The following CR1L variants were observed in gnomAD, a reference collection of about 807,000 sequenced individuals.
The protein encoded by CR1L is complement component receptor 1-like protein.
In CR1L, 59 loss-of-function variants were observed where a neutral mutation model predicts 62.3. The ratio of observed to expected loss-of-function variants is 0.95; its 90% CI spans 0.77 to 1.18. CR1L has a LOEUF of 1.18. CR1L is among the 50% of genes most tolerant of loss of function. The probability of loss-of-function intolerance (pLI) is 0.00; values close to 1 mark genes in which losing one functional copy is unlikely to be tolerated. For missense variants in CR1L, 700 were observed against 702.8 expected (o/e 1.00, Z 0.04); for synonymous variants, 279 against 248.7 (o/e 1.12, Z -1.15).
At chr1:207,709,544 G>A (rs1258134272) in intron 10 of CR1L, among the ~76,000 whole-genome samples, 1 of 152,058 alleles carries the variant, frequency 6.6e-6, no homozygotes, top group African/African-American at 2.4e-5. Context: ...AAATATAAAT[G>A]TGTACTATAG....
At chr1:207,704,859 T>A (rs960439134) in intron 9 of CR1L, among the ~76,000 whole-genome samples, 17 of 152,374 alleles carry the variant, frequency 1.1e-4, no homozygotes, top group African/African-American at 3.8e-4. Flanking sequence ...TTTGTTGTGA[T>A]ATTTGTTTTA....
At chr1:207,688,977 T>A (rs193030376) in intron 4 of CR1L, among the ~76,000 whole-genome samples, 34 of 152,306 alleles carry the variant, frequency 2.2e-4, no homozygotes, top group Admixed American at 3.9e-4. Context: ...ACAAAGTTTT[T>A]AAATCTTTTC....
chr1:207,688,990 T>C (rs1663954329), intron 4 of CR1L, among the ~76,000 whole-genome samples: 1 of 152,140 alleles, frequency 6.6e-6, no homozygotes, highest in African/African-American at 2.4e-5. Flanking sequence ...ATCTTTTCCT[T>C]TCTTATGTCT....
chr1:207,665,283 T>A (rs1021418234), intron 1 of CR1L, among the ~76,000 whole-genome samples: 13 of 152,172 alleles, frequency 8.5e-5, no homozygotes, highest in Admixed American at 6.5e-5. Flanking sequence ...CTTGATCTCC[T>A]GACCTTGTGA....
At chr1:207,680,181 A>G (rs1220740380) in intron 3 of CR1L, among the ~76,000 whole-genome samples, 2 of 152,222 alleles carry the variant, frequency 1.3e-5, no homozygotes, top group East Asian at 3.8e-4. Flanking sequence ...AGATGTTTAT[A>G]ATAGGGGAGG....
intron 1 of CR1L, among the ~76,000 whole-genome samples, chr1:207,674,317 A>C (rs1663656829): frequency 6.6e-6 from 1 of 152,216 alleles, no homozygotes; most frequent in Non-Finnish European, 1.5e-5. Context: ...CAAATTGTAC[A>C]CTTTAAATAC....
intron 5 of CR1L, among the ~76,000 whole-genome samples, chr1:207,695,651 C>T (rs1245480819): frequency 6.6e-6 from 1 of 152,104 alleles, no homozygotes; most frequent in East Asian, 1.9e-4. Context: ...TAAAGAACTA[C>T]CTGAGACTGG....
chr1:207,691,183 AT>A (rs765365661), intron 4 of CR1L, among the ~76,000 whole-genome samples: 12 of 152,328 alleles, frequency 7.9e-5, no homozygotes, highest in Non-Finnish European at 1.2e-4. Context: ...AAATAATTGC[AT>A]TTGTTAAATT....
intron 10 of CR1L, chr1:207,710,426 A>T (rs1164371193): frequency 1.9e-6 from 3 of 1,573,056 alleles, no homozygotes; most frequent in African/African-American, 1.4e-5. Flanking sequence ...TGGATATTTC[A>T]TTAGCACCGA....
intron 1 of CR1L, among the ~76,000 whole-genome samples, chr1:207,648,231 A>AC (rs1164605634): frequency 2.0e-5 from 3 of 150,704 alleles, no homozygotes; most frequent in African/African-American, 7.5e-5. Context: ...ACAGAAAAAA[A>AC]AAAAAAACCT....
Position 207,679,859 on chromosome 1 carries a change from A to G in CR1L, c.377+1562A>G, listed in dbSNP as rs566288493. Reference sequence around the variant, plus strand: ...ACTAAGTGAAAGAAGCCAATCTGAAAAGCCTATATAGTATATGATTCCAAC... The same window carrying G: ...ACTAAGTGAAAGAAGCCAATCTGAAGAGCCTATATAGTATATGATTCCAAC... On this transcript the variant is annotated intron_variant, in intron 3 of 11. Transcript: ENST00000508064. 3.9e-5 allele frequency among the ~76,000 whole-genome samples: 6 copies of G among 152,318 alleles called. No homozygotes were observed. The East Asian group carries it at 1.2e-3, about 29-fold the overall frequency.
At chr1:207,649,747 C>T (rs1463720506) in intron 1 of CR1L, among the ~76,000 whole-genome samples, 1 of 152,052 alleles carries the variant, frequency 6.6e-6, no homozygotes, top group South Asian at 2.1e-4. Context: ...TGTTAGGAAG[C>T]CTTAGACATT....
intron 9 of CR1L, among the ~76,000 whole-genome samples, chr1:207,703,462 A>T (rs769020759): frequency 2.6e-5 from 4 of 152,198 alleles, no homozygotes; most frequent in Non-Finnish European, 5.9e-5. Context: ...TTTACTGAAT[A>T]TTTTAGGCTC....
chr1:207,687,749 C>G (rs1663935088), intron 4 of CR1L, among the ~76,000 whole-genome samples: 1 of 152,088 alleles, frequency 6.6e-6, no homozygotes, highest in Non-Finnish European at 1.5e-5. Flanking sequence ...GGGCCTATTC[C>G]AAACTTTTGT....
At chr1:207,665,087 T>C (rs1216946329) in intron 1 of CR1L, among the ~76,000 whole-genome samples, 3 of 152,184 alleles carry the variant, frequency 2.0e-5, no homozygotes, top group African/African-American at 7.2e-5. Context: ...GGAGTCTTGC[T>C]CTGTTGCCCA....
chr1:207,659,518 A>AT (rs2102444827), intron 1 of CR1L, among the ~76,000 whole-genome samples: 1 of 152,302 alleles, frequency 6.6e-6, no homozygotes, highest in African/African-American at 2.4e-5. Context: ...TTGTCTTAAG[A>AT]TATATATTTT....
In CR1L at chr1:207,692,510, A is replaced by G. The variant is rs1481630329; in HGVS notation, c.464-1843A>G. Among the ~76,000 whole-genome samples the G allele has an allele frequency of 2.0e-5, 3 of 152,166 alleles. No individual in the cohort carries two copies. In the East Asian group the frequency reaches 5.8e-4, roughly 29 times the overall value. On this transcript the variant is annotated intron_variant, in intron 4 of 11. Transcript: ENST00000508064. ...ACAGCTAGATAAAACCTACTTGACT[A>G]GCGTCCCTGCCCTCTGTGCCCTGCA...
intron 1 of CR1L, among the ~76,000 whole-genome samples, chr1:207,656,495 A>G (rs181970127): frequency 6.6e-6 from 1 of 152,186 alleles, no homozygotes; most frequent in Non-Finnish European, 1.5e-5. Flanking sequence ...TCGTATTGCT[A>G]TAAAGAAATG....
At chr1:207,715,364 G>A (rs1653970024) in intron 10 of CR1L, 2 of 1,597,428 alleles carry the variant, frequency 1.3e-6, no homozygotes, top group African/African-American at 1.3e-5. Flanking sequence ...TGGAATGAAA[G>A]CCCTTTGGAA....
Sources: allele counts gnomAD v4.1 joint callset (sites outside exome capture counted in the v4.1 genomes callset), GRCh38; gene constraint gnomAD v4.1.1; transcripts MANE v1.5; gene names NCBI Gene and HGNC (gene_info 2026-07-23, HGNC 2026-07-21).